The following TTC23L variants were observed in gnomAD, a reference collection of about 807,000 sequenced individuals.
TTC23L encodes tetratricopeptide repeat protein 23-like.
Under a neutral mutation model 48.1 loss-of-function variants are expected in TTC23L, and 42 were observed. That is an observed-to-expected ratio of 0.87 (90% CI 0.68 to 1.13). The LOEUF (loss-of-function observed/expected upper bound fraction) is 1.13, where lower values mean the gene tolerates loss of function less well. Ranked by LOEUF, TTC23L falls within the 50% of genes most tolerant of loss-of-function variation. The pLI, the probability that TTC23L is intolerant of heterozygous loss-of-function variation, is 0.00. For missense variants in TTC23L, 391 were observed against 421.0 expected (o/e 0.93, Z 0.62); for synonymous variants, 159 against 157.2 (o/e 1.01, Z -0.09).
At chr5:34,919,975 T>C in the TTC23L span, 1 of 572,200 alleles carries the variant, frequency 1.7e-6, no homozygotes, top group Non-Finnish European at 3.1e-6. Flanking sequence ...TTAAAAATTA[T>C]TTTGTAAAAA....
chr5:34,905,860 ATAAGTACCTTGATGTTAGGG>A, the TTC23L span: 1 of 152,232 alleles, frequency 6.6e-6, no homozygotes, highest in Admixed American at 6.5e-5. Flanking sequence ...TCTTTATAAA[ATAAGTACCTTGATGTTAGGG>A]TGACTTAGAA....
intron 8 of TTC23L, among the ~76,000 whole-genome samples, chr5:34,878,740 G>A (rs1029973474): frequency 6.6e-6 from 1 of 152,114 alleles, no homozygotes; most frequent in Admixed American, 6.6e-5. Context: ...ATACACTGTT[G>A]GTGTGAATGT....
At chr5:34,901,095 A>G (rs1353399061), downstream of TTC23L, among the ~76,000 whole-genome samples, 1 of 152,210 alleles carries the variant, frequency 6.6e-6, no homozygotes, top group Admixed American at 6.5e-5. Flanking sequence ...AGATTTGTGC[A>G]TATTTTGTAG....
intron 4 of TTC23L, among the ~76,000 whole-genome samples, chr5:34,854,217 G>A (rs1350921727): frequency 6.6e-6 from 1 of 152,184 alleles, no homozygotes; most frequent in East Asian, 1.9e-4. Context: ...GGAGACACAA[G>A]TTTTCCTGTA....
intron 10 of TTC23L, among the ~76,000 whole-genome samples, chr5:34,897,926 A>T (rs1763333179): frequency 6.6e-6 from 1 of 152,214 alleles, no homozygotes; most frequent in Non-Finnish European, 1.5e-5. Flanking sequence ...GTGCATCCCT[A>T]TGAATTAATC....
chr5:34,899,664 G>T (rs1763440965), downstream of TTC23L, among the ~76,000 whole-genome samples: 1 of 152,134 alleles, frequency 6.6e-6, no homozygotes, highest in African/African-American at 2.4e-5. Flanking sequence ...GCCGAGGCAG[G>T]CCAATCATGA....
the TTC23L span, chr5:34,913,986 G>GA: frequency 2.2e-6 from 1 of 456,842 alleles, no homozygotes; most frequent in Non-Finnish European, 4.4e-6. Context: ...TCGGTCTCCT[G>GA]AGCAGCTGGA....
At chr5:34,855,154 AGG>A in intron 4 of TTC23L, among the ~76,000 whole-genome samples, 1 of 64,570 alleles carries the variant, frequency 1.5e-5, no homozygotes, top group South Asian at 3.9e-4. Flanking sequence ...GAACCTGGAA[AGG>A]AGAAGGGTAC....
intron 8 of TTC23L, among the ~76,000 whole-genome samples, chr5:34,876,998 A>G (rs1164009702): frequency 1.3e-5 from 2 of 152,148 alleles, no homozygotes; most frequent in Non-Finnish European, 2.9e-5. Context: ...AAAAAAAATT[A>G]TCAAGATTTA....
intron 4 of TTC23L, among the ~76,000 whole-genome samples, chr5:34,860,200 C>T (rs778226379): frequency 2.6e-5 from 4 of 152,072 alleles, no homozygotes; most frequent in Non-Finnish European, 1.5e-5. Flanking sequence ...TCTACCTTCC[C>T]TAACCATCCT....
chr5:34,859,904 C>T (rs1326801956), intron 4 of TTC23L, among the ~76,000 whole-genome samples: 3 of 129,972 alleles, frequency 2.3e-5, no homozygotes, highest in Non-Finnish European at 3.1e-5. Flanking sequence ...AGTGCAGTAG[C>T]GTGATCTCGG....
the TTC23L span, chr5:34,909,033 T>C: frequency 1.9e-5 from 24 of 1,270,146 alleles, no homozygotes; most frequent in Middle Eastern, 2.2e-4. Flanking sequence ...AAGTAGCAAA[T>C]CTAAGAATAA....
chr5:34,903,239 T>C (rs1763553380), downstream of TTC23L, among the ~76,000 whole-genome samples: 1 of 152,220 alleles, frequency 6.6e-6, no homozygotes. Context: ...ATGGTGGTGA[T>C]ACTGAATCAT....
the TTC23L span, chr5:34,914,542 C>A: frequency 1.3e-6 from 1 of 741,592 alleles, no homozygotes. Flanking sequence ...TGTTCTCTAA[C>A]TTAAGACTAT....
chr5:34,847,119 A>G (rs556633670), intron 3 of TTC23L, among the ~76,000 whole-genome samples: 5 of 152,180 alleles, frequency 3.3e-5, no homozygotes, highest in Non-Finnish European at 7.4e-5. Context: ...CCAAGGGGAA[A>G]AAAGTAATCT....
chr5:34,922,921 C>A, the TTC23L span: 1 of 1,254,376 alleles, frequency 8.0e-7, no homozygotes, highest in Non-Finnish European at 1.1e-6. Flanking sequence ...AGGTTATAGC[C>A]AAGTTATAGA....
At chr5:34,901,373 G>A (rs1763506832), downstream of TTC23L, among the ~76,000 whole-genome samples, 1 of 152,158 alleles carries the variant, frequency 6.6e-6, no homozygotes, top group South Asian at 2.1e-4. Flanking sequence ...GCCTTGGGAG[G>A]AATAGTTTGA....
chr5:34,886,363 T>TAAAAAA (rs3032938), intron 9 of TTC23L, among the ~76,000 whole-genome samples: 4 of 123,374 alleles, frequency 3.2e-5, no homozygotes, highest in Non-Finnish European at 5.0e-5. Context: ...CAGGCTGATT[T>TAAAAAA]AAAAAAAAAA....
At chr5:34,861,150 T>C (rs1156350999) in intron 4 of TTC23L, 2 of 152,240 alleles carry the variant, frequency 1.3e-5, no homozygotes, top group African/African-American at 4.8e-5. Context: ...GTATTTTTAG[T>C]AGAGATGGGG....
Sources: allele counts gnomAD v4.1 joint callset (sites outside exome capture counted in the v4.1 genomes callset), GRCh38; gene constraint gnomAD v4.1.1; transcripts MANE v1.5; gene names NCBI Gene and HGNC (gene_info 2026-07-23, HGNC 2026-07-21).